The following CPS1 variants were observed in gnomAD, a reference collection of about 807,000 sequenced individuals.
CPS1 encodes carbamoyl-phosphate synthase 1.
Under a neutral mutation model 174.6 loss-of-function variants are expected in CPS1, and 109 were observed. The observed-to-expected ratio is 0.62, with a 90% CI of 0.53 to 0.73. The LOEUF (loss-of-function observed/expected upper bound fraction) is 0.73. Among genes scored for constraint, CPS1 ranks in the 30% least tolerant of loss-of-function variants. CPS1 has a pLI of 0.00. For synonymous variants in CPS1, 637 were observed against 632.0 expected (o/e 1.01, Z -0.12); for missense variants, 1,689 against 1,821.9 (o/e 0.93, Z 1.33).
intron 1 of CPS1, among the ~76,000 whole-genome samples, chr2:210,526,531 A>G (rs1011866338): frequency 6.6e-6 from 1 of 151,924 alleles, no homozygotes; most frequent in Non-Finnish European, 1.5e-5. Flanking sequence ...GTTTTAACAT[A>G]TTGAAAGGAC....
At chr2:210,577,130 G>C in intron 3 of CPS1, 1 of 430,118 alleles carries the variant, frequency 2.3e-6, no homozygotes, top group Non-Finnish European at 4.3e-6. Context: ...CATTAAGCCA[G>C]TAATTATTAA....
chr2:210,577,551 G>T, intron 4 of CPS1, 41 bp downstream of exon 4: 1 of 1,426,128 alleles, frequency 7.0e-7, no homozygotes, highest in Non-Finnish European at 9.9e-7. Flanking sequence ...CCTAAGGAAG[G>T]TTGAGAAGGT....
rs531827709 is a variant in CPS1, at chr2:210,676,986, A to C, written c.4275-21A>C. 3.7e-6 allele frequency: 6 copies of C among 1,611,040 alleles called. No individual in the cohort carries two copies. The African/African-American group carries it at 8.0e-5, about 21-fold the overall frequency. ...TATAAAATATGCCTTGTTGTCTATA[A>C]GTTTTTGTTTATTTTTCCAGATTGA... On this transcript the variant is annotated intron_variant, in intron 36 of 37. Transcript: ENST00000233072.
At chr2:210,606,652 C>T (rs1698920675) in intron 17 of CPS1, 79 bp from the exon 18 acceptor site, 7 of 1,267,056 alleles carry the variant, frequency 5.5e-6, no homozygotes, top group South Asian at 2.4e-5. Flanking sequence ...TGTCTTGCAT[C>T]GTGCAAGTAG....
intron 1 of CPS1, among the ~76,000 whole-genome samples, chr2:210,484,657 A>T (rs1694668148): frequency 6.6e-6 from 1 of 152,166 alleles, no homozygotes; most frequent in Admixed American, 6.5e-5. Context: ...ACCACCTATC[A>T]TGACTACCTA....
chr2:210,477,845 A>G, intron 1 of CPS1: 1 of 1,479,100 alleles, frequency 6.8e-7, no homozygotes, highest in Non-Finnish European at 9.4e-7. Flanking sequence ...GAAAAGGAAA[A>G]CGAGAGACAT....
At chr2:210,544,512 A>G (rs949626672) in intron 1 of CPS1, among the ~76,000 whole-genome samples, 5 of 152,090 alleles carry the variant, frequency 3.3e-5, no homozygotes, top group African/African-American at 9.7e-5. Flanking sequence ...AATGTTTTAT[A>G]TATTTAATAT....
intron 1 of CPS1, among the ~76,000 whole-genome samples, chr2:210,571,207 T>G: frequency 6.6e-6 from 1 of 151,952 alleles, no homozygotes; most frequent in East Asian, 1.9e-4. Context: ...TTAAATTTAG[T>G]GAAGACAAAC....
chr2:210,553,773 T>A (rs982337713), upstream of CPS1, among the ~76,000 whole-genome samples: 4 of 152,118 alleles, frequency 2.6e-5, no homozygotes, highest in South Asian at 8.3e-4. Context: ...GACTTTAACA[T>A]TCCCTACCAA....
In CPS1 at chr2:210,556,838, C is replaced by T; in HGVS notation, c.105C>T (p.Gly35=). 1 of 1,613,042 alleles carries T rather than the reference C, an allele frequency of 6.2e-7. No homozygotes were observed. The highest frequency in any genetic ancestry group is 8.5e-7 in the Non-Finnish European group (1 of 1,179,292). ...AAAAATGGAAATTTTCAAGACCTGG[C>T]ATCAGGCTCCTTTCTGTCAAGGTAA... The part of the protein sequence containing the change: ...AHQKWKFSRP[G]IRLLSVKAQT... Residue 35 remains glycine, a synonymous_variant, in exon 1 of 38, where the codon GGC becomes GGT. Coordinates refer to ENST00000233072, the MANE Select transcript of CPS1 (RefSeq NM_001875.5).
At chr2:210,624,859 G>T (rs1024591298) in intron 21 of CPS1, among the ~76,000 whole-genome samples, 3 of 151,890 alleles carry the variant, frequency 2.0e-5, no homozygotes, top group African/African-American at 7.2e-5. Flanking sequence ...TTATGTTTCT[G>T]TATATTAATT....
rs1471307009 is a variant in CPS1, at chr2:210,678,330, CTTT to C, written c.*346_*348del. 1 of 361,088 alleles carries C rather than the reference CTTT, an allele frequency of 2.8e-6. No homozygotes were observed. The highest frequency in any genetic ancestry group is 5.2e-6 in the Non-Finnish European group (1 of 190,580). The allele number at this position is 361,088 out of a possible 1,614,324, so 22.4% of individuals were successfully genotyped here. On this transcript the variant is annotated 3_prime_UTR_variant, in exon 38 of 38. Coordinates refer to ENST00000233072, the MANE Select transcript of CPS1 (RefSeq NM_001875.5). ...AAGTTGCTGTTCTATTTTCTGAACTCTTTCTATACTTTAAGATACTCTATTTTT... is the reference window on the plus strand; with the variant it reads ...AAGTTGCTGTTCTATTTTCTGAACTCCTATACTTTAAGATACTCTATTTTT...
chr2:210,626,188 A>C (rs1006906992), intron 21 of CPS1, among the ~76,000 whole-genome samples: 3 of 152,306 alleles, frequency 2.0e-5, no homozygotes, highest in Non-Finnish European at 2.9e-5. Flanking sequence ...AATTTCTGAA[A>C]CAGATACAAA....
At chr2:210,586,202 C>T (rs1040404880) in intron 6 of CPS1, among the ~76,000 whole-genome samples, 4 of 151,688 alleles carry the variant, frequency 2.6e-5, no homozygotes, top group South Asian at 2.1e-4. Context: ...ATGTTCATGT[C>T]GGGCAGGGAT....
At chr2:210,675,956 A>G in intron 36 of CPS1, 116 bp downstream of exon 36, 1 of 710,730 alleles carries the variant, frequency 1.4e-6, no homozygotes, top group Admixed American at 2.0e-5. Flanking sequence ...TTAAAAATGA[A>G]TACATTTGTG....
intron 19 of CPS1, among the ~76,000 whole-genome samples, chr2:210,609,303 CA>C (rs975290289): frequency 3.3e-5 from 5 of 151,902 alleles, no homozygotes; most frequent in African/African-American, 1.2e-4. Context: ...CTCCTTCCAC[CA>C]AGTCCTAATC....
intron 1 of CPS1, among the ~76,000 whole-genome samples, chr2:210,512,821 T>G (rs1404860146): frequency 2.4e-5 from 3 of 125,384 alleles, no homozygotes; most frequent in Non-Finnish European, 3.3e-5. Flanking sequence ...GAGAGAGAGA[T>G]ATATATATGG....
At chr2:210,633,987 T>G (rs1699949669) in intron 21 of CPS1, among the ~76,000 whole-genome samples, 1 of 152,348 alleles carries the variant, frequency 6.6e-6, no homozygotes, top group African/African-American at 2.4e-5. Flanking sequence ...GTTATTGTTC[T>G]AATTTAGAAA....
chr2:210,594,944 G>T (rs1698439371), intron 12 of CPS1, among the ~76,000 whole-genome samples: 2 of 151,840 alleles, frequency 1.3e-5, no homozygotes, highest in Non-Finnish European at 2.9e-5. Flanking sequence ...TCAGACTACA[G>T]AATCATTATA....
Sources: gnomAD v4.1 joint callset for allele counts (sites outside exome capture counted in the v4.1 genomes callset) on GRCh38, gnomAD v4.1.1 for gene constraint, MANE v1.5 for transcripts, NCBI Gene and HGNC (gene_info 2026-07-23, HGNC 2026-07-21) for gene names.